NDUFS2: variants seen among roughly 807,000 people sequenced by gnomAD.
NDUFS2 encodes the protein NADH dehydrogenase [ubiquinone] iron-sulfur protein 2, mitochondrial.
In NDUFS2, 38 loss-of-function variants were observed where a neutral mutation model predicts 69.6. The ratio of observed to expected loss-of-function variants is 0.55; its 90% confidence interval spans 0.42 to 0.72. NDUFS2 has a LOEUF of 0.72. Ranked by LOEUF, NDUFS2 falls within the 30% of genes least tolerant of loss-of-function variation. The probability of loss-of-function intolerance (pLI) is 0.00; values close to 1 mark genes in which losing one functional copy is unlikely to be tolerated. For synonymous variants in NDUFS2, 194 were observed against 211.2 expected (o/e 0.92, Z 0.70); for missense variants, 468 against 595.0 (o/e 0.79, Z 2.22).
At chr1:161,198,489 G>A (rs755086515), upstream of NDUFS2, 3 of 1,568,040 alleles carry the variant, frequency 1.9e-6, no homozygotes, top group East Asian at 2.4e-5. This position sits in a 1 kb window ranked among gnomAD's most constrained non-coding sequence, Gnocchi z 4.7. Context: ...CGGGCTGAGG[G>A]CAGGAGAGAG....
chr1:161,204,793 C>T lies in NDUFS2; in HGVS notation c.202+1250C>T, dbSNP rs577834311. ...TTAAAACTTGATTAAAGCCCGGATG[C>T]GGTGGCTCACACTTTGGGAGGCCGA... On this transcript the variant is annotated intron_variant, in intron 2 of 13. Coordinates refer to ENST00000676972, the MANE Select transcript of NDUFS2 (RefSeq NM_001377299.1). 2.3e-3 allele frequency among the ~76,000 whole-genome samples: 343 copies of T among 152,180 alleles called. 3 individuals are homozygous for T. The highest frequency in any genetic ancestry group is 6.8e-3 in the Middle Eastern group (2 of 294).
chr1:161,209,256 C>G lies in NDUFS2; in HGVS notation c.457C>G (p.Leu153Val), dbSNP rs900260540. ...GATGTGTAACGAACAGGCCTATTCT[C>G]TAGCTGTGGAGAAGTTGCTAAACAT... ...SMMCNEQAYS[L>V]AVEKLLNIRP... The change falls in exon 4 of 14, where the codon CTA becomes GTA. Residue 153 changes from leucine to valine, a missense_variant. Physicochemically the swap from Leu to Val is conservative, Grantham distance 32. Around this residue, in one of 3 missense-constraint regions of NDUFS2, gnomAD observed 339 missense variants for 433.8 expected, o/e 0.78. Transcript: ENST00000676972. 7.4e-6 allele frequency: 12 copies of G among 1,614,058 alleles called. No individual in the cohort carries two copies. The Admixed American group carries it at 1.0e-4, about 13-fold the overall frequency.
In NDUFS2 at chr1:161,209,175, A is replaced by T. The variant is rs772925477; in HGVS notation, c.394-18A>T. 19 of 1,614,110 alleles carry T rather than the reference A, an allele frequency of 1.2e-5. No homozygotes were observed. Among genetic ancestry groups the T allele is most frequent in the Non-Finnish European group, 1.5e-5 (18 of 1,180,000 alleles). On this transcript the variant is annotated intron_variant, in intron 3 of 13. Coordinates refer to ENST00000676972, the MANE Select transcript of NDUFS2 (RefSeq NM_001377299.1). Reference sequence around the variant, plus strand: ...CCTGAGCCTGTTAGATGTGACCCACATTCCTCCCTCTTCCCAGGCCCTTCC... The same window carrying T: ...CCTGAGCCTGTTAGATGTGACCCACTTTCCTCCCTCTTCCCAGGCCCTTCC...
rs758432339 is a variant in NDUFS2, at chr1:161,202,435, T to G, written c.50T>G (p.Val17Gly). The G allele has an allele frequency of 3.1e-6, 5 of 1,612,650 alleles. No individual in the cohort carries two copies. The South Asian group carries it at 5.5e-5, about 18-fold the overall frequency. ...LCGFRGVAAQVLRPGAGVRLP... is the reference protein window; with the variant it reads ...LCGFRGVAAQGLRPGAGVRLP... Reference sequence around the variant, plus strand: ...GGCTTCCGGGGCGTCGCGGCCCAGGTGCTGCGGCCTGGGGCTGGAGTCCGA... The same window carrying G: ...GGCTTCCGGGGCGTCGCGGCCCAGGGGCTGCGGCCTGGGGCTGGAGTCCGA... Residue 17 changes from valine to glycine, a missense_variant, in exon 1 of 14, where the codon GTG becomes GGG. Physicochemically the swap from Val to Gly is moderately radical, Grantham distance 109. This residue lies in a region of NDUFS2 where 57 missense variants were observed against 42.3 expected (regional missense o/e 1.35). Transcript: ENST00000676972.
At chr1:161,198,001 T>C, upstream of NDUFS2, 1 of 1,557,548 alleles carries the variant, frequency 6.4e-7, no homozygotes, top group Non-Finnish European at 8.7e-7. The surrounding 1 kb of genome is among the most constrained non-coding windows in gnomAD (Gnocchi z 4.7). Flanking sequence ...CTACCTTGGC[T>C]CTTCGGGGTC....
chr1:161,200,179 T>C (rs912062540), upstream of NDUFS2, among the ~76,000 whole-genome samples: 1 of 151,882 alleles, frequency 6.6e-6, no homozygotes, highest in African/African-American at 2.4e-5. Context: ...AGGGAGAGGG[T>C]GGAGACAGCA....
chr1:161,213,356 A>G (rs1232235636), intron 10 of NDUFS2, 24 bp from the exon 11 acceptor site: 1 of 1,527,798 alleles, frequency 6.5e-7, no homozygotes, highest in African/African-American at 1.4e-5. Flanking sequence ...TGGTTTATTG[A>G]TGCTCCCTGT....
At chr1:161,212,772 T>C (rs1232566328) in intron 10 of NDUFS2, 1 of 356,926 alleles carries the variant, frequency 2.8e-6, no homozygotes, top group Non-Finnish European at 5.4e-6. Context: ...TTGGTCAGGG[T>C]GGTCTCGAAC....
upstream of NDUFS2, chr1:161,197,865 G>C: frequency 7.2e-7 from 1 of 1,385,414 alleles, no homozygotes; most frequent in Non-Finnish European, 9.6e-7. Flanking sequence ...CATGGAGAAA[G>C]GAAAGGCAGG....
Position 161,213,888 on chromosome 1 carries a change from G to A in NDUFS2, c.1321G>A (p.Gly441Arg), listed in dbSNP as rs956428719. The change falls in exon 13 of 14, where the codon GGA (glycine) becomes AGA (arginine). Residue 441 changes from glycine to arginine, a missense_variant. By Grantham distance (125) the Gly-to-Arg change is moderately radical. Transcript: ENST00000676972. ...HLAGLDKMSK[G>R]HMLADVVAII... ...GGCTGGTTTGGACAAGATGTCTAAG[G>A]GACACATGTTGGCAGATGTCGTTGC... The A allele has an allele frequency of 9.3e-6, 15 of 1,614,070 alleles. No homozygotes were observed. In the Admixed American group the frequency reaches 2.3e-4, roughly 25 times the overall value.
intron 3 of NDUFS2, among the ~76,000 whole-genome samples, chr1:161,207,315 T>G (rs1337346725): frequency 1.3e-5 from 2 of 152,160 alleles, no homozygotes; most frequent in Non-Finnish European, 2.9e-5. Flanking sequence ...CCCGTCACAG[T>G]GACATCAGAA....
chr1:161,212,339 C>T lies in NDUFS2; in HGVS notation c.987-12C>T, dbSNP rs769473324. ...TGACTGTTCTTCTCTTGCTCTGTCT[C>T]ATCTTCTTGAGGTACCTGTGCCGGG... is the stretch of plus-strand genomic sequence containing the variant. On this transcript the variant is annotated splice_polypyrimidine_tract_variant and intron_variant, in intron 9 of 13. Transcript: ENST00000676972. 3.1e-6 allele frequency: 5 copies of T among 1,613,274 alleles called. No homozygotes were observed. Among genetic ancestry groups the T allele is most frequent in the African/African-American group, 2.7e-5 (2 of 74,996 alleles).
chr1:161,209,734 A>G, intron 5 of NDUFS2, 123 bp from the exon 6 acceptor site: 1 of 1,295,646 alleles, frequency 7.7e-7, no homozygotes, highest in East Asian at 2.5e-5. Flanking sequence ...CTTGGGTTAT[A>G]TTTGTAGAAA....
chr1:161,208,084 A>G (rs919115790), intron 3 of NDUFS2, among the ~76,000 whole-genome samples: 1 of 149,360 alleles, frequency 6.7e-6, no homozygotes, highest in Non-Finnish European at 1.5e-5. Flanking sequence ...TCCCAGGTTC[A>G]AGCGAGTCTC....
chr1:161,213,688 C>A lies in NDUFS2; in HGVS notation c.1252C>A (p.Arg418Ser). Residue 418 changes from arginine (R) to serine (S), a missense_variant, in exon 12 of 14, where the codon CGC becomes AGC. Transcript: ENST00000676972. ...GVYLVSDGSS[R>S]PYRCKIKAPG... The stretch of plus-strand genomic sequence containing the variant: ...GTACCTGGTGTCTGATGGCAGCAGC[C>A]GCCCTTATCGATGCAAGATCAAGGC... 1 of 1,614,172 alleles carries A rather than the reference C, an allele frequency of 6.2e-7. No homozygotes were observed. The highest frequency in any genetic ancestry group is 1.7e-5 in the Admixed American group (1 of 60,020).
At position 161,212,435 on chromosome 1, in the gene NDUFS2, G is replaced by C. The variant is rs1665822136; in HGVS notation, c.1071G>C (p.Lys357Asn). The change falls in exon 10 of 14, where the codon AAG (lysine) becomes AAC (asparagine). Residue 357 changes from lysine to asparagine, a missense_variant. Lys to Asn is a moderately conservative substitution (Grantham distance 94). This residue lies in a region of NDUFS2 where 339 missense variants were observed against 433.8 expected (regional missense o/e 0.78). Coordinates refer to ENST00000676972, the MANE Select transcript of NDUFS2 (RefSeq NM_001377299.1). ...ACAAGATGCCTCCTGGGGAGATCAAGGTTGATGATGCCAAAGTGTCTCCAC... is the reference window on the plus strand; with the variant it reads ...ACAAGATGCCTCCTGGGGAGATCAACGTTGATGATGCCAAAGTGTCTCCAC... ...CLNKMPPGEI[K>N]VDDAKVSPPK... The C allele has an allele frequency of 6.2e-7, 1 of 1,613,858 alleles. No homozygotes were observed. Among genetic ancestry groups the C allele is most frequent in the Admixed American group, 1.7e-5 (1 of 60,008 alleles).
At chr1:161,209,991 T>C in intron 6 of NDUFS2, 60 bp downstream of exon 6, 4 of 1,599,628 alleles carry the variant, frequency 2.5e-6, no homozygotes, top group Non-Finnish European at 3.4e-6. Context: ...CTGTGGCCAC[T>C]GGAGGGCAGT....
chr1:161,209,406 A>C, intron 4 of NDUFS2, 77 bp from the exon 5 acceptor site: 1 of 1,608,724 alleles, frequency 6.2e-7, no homozygotes, highest in South Asian at 1.1e-5. Context: ...TAGTGTTCAG[A>C]CCCCAGGCTC....
In NDUFS2 at chr1:161,213,902, A is replaced by C; in HGVS notation, c.1335A>C (p.Ala445=). The C allele has an allele frequency of 1.2e-6, 2 of 1,614,224 alleles. No homozygotes were observed. The highest frequency in any genetic ancestry group is 2.2e-5 in the South Asian group (2 of 91,086). Residue 445 remains alanine (A), a synonymous_variant, in exon 13 of 14, where the codon GCA becomes GCC. Transcript: ENST00000676972. ...LDKMSKGHML[A]DVVAIIGTQD... ...AGATGTCTAAGGGACACATGTTGGCAGATGTCGTTGCCATCATAGGTACGA... is the reference window on the plus strand; with the variant it reads ...AGATGTCTAAGGGACACATGTTGGCCGATGTCGTTGCCATCATAGGTACGA...
Sources: gnomAD v4.1 joint callset for allele counts (sites outside exome capture counted in the v4.1 genomes callset) on GRCh38, gnomAD v4.1.1 for gene constraint, gnomAD v4.1.1 regional missense constraint, Gnocchi (gnomAD v3.1) non-coding constraint, MANE v1.5 for transcripts, NCBI Gene and HGNC (gene_info 2026-07-23, HGNC 2026-07-21) for gene names.